THADA: variants seen among roughly 807,000 people sequenced by gnomAD.
The protein encoded by THADA is tRNA (32-2'-O)-methyltransferase regulator THADA.
In THADA, 213 loss-of-function variants were observed where a neutral mutation model predicts 219.8. That is an observed-to-expected ratio of 0.97 (90% CI 0.87 to 1.09). The LOEUF is 1.09. THADA is among the 50% of genes least tolerant of loss of function. The pLI, the probability that THADA is intolerant of heterozygous loss-of-function variation, is 0.00. For synonymous variants in THADA, 1,018 were observed against 828.9 expected (o/e 1.23, Z -3.92); for missense variants, 2,956 against 2,311.3 (o/e 1.28, Z -5.72).
intron 16 of THADA, among the ~76,000 whole-genome samples, chr2:43,558,414 A>C (rs1411189532): frequency 7.2e-5 from 11 of 152,204 alleles, no homozygotes; most frequent in Middle Eastern, 3.2e-3. Flanking sequence ...TGAAGGATGC[A>C]AAGTATTGTT....
rs372744844 is a variant in THADA at position 43,286,968 on chromosome 2, C to T, written c.5104G>A (p.Val1702Ile). 4.6e-5 allele frequency: 75 copies of T among 1,613,824 alleles called. No homozygotes were observed. The African/African-American group carries it at 5.5e-4, about 12-fold the overall frequency. Reference protein sequence around the residue: ...DHLPTESRLAVVEVLTSTTPL... With the variant: ...DHLPTESRLAIVEVLTSTTPL... ...GTAGTACTGGTGAGGACTTCAACGA[C>T]GGCCAGCCTAGACTCTGTAGGAAGA... is the stretch of plus-strand genomic sequence containing the variant. The change falls in exon 35 of 38, where the codon GTC becomes ATC. Residue 1702 changes from valine to isoleucine, a missense_variant. Coordinates refer to ENST00000405975, the MANE Select transcript of THADA (RefSeq NM_022065.5).
chr2:43,287,644 T>C (rs1304562405), intron 34 of THADA, among the ~76,000 whole-genome samples: 3 of 152,210 alleles, frequency 2.0e-5, no homozygotes, highest in Non-Finnish European at 4.4e-5. Context: ...AACACTGGCA[T>C]ACATTTGGTC....
intron 36 of THADA, among the ~76,000 whole-genome samples, chr2:43,263,241 T>C (rs1360211114): frequency 6.6e-6 from 1 of 152,174 alleles, no homozygotes; most frequent in Non-Finnish European, 1.5e-5. Flanking sequence ...AATTTTGTTC[T>C]GGGAGGTGAT....
chr2:43,381,052 C>T (rs757259840), intron 29 of THADA, among the ~76,000 whole-genome samples: 1 of 135,760 alleles, frequency 7.4e-6, no homozygotes, highest in Non-Finnish European at 1.5e-5. Flanking sequence ...GAGCCAAGAT[C>T]GTGCCACTAC....
chr2:43,311,398 C>T (rs1281887820), intron 31 of THADA, among the ~76,000 whole-genome samples: 2 of 152,158 alleles, frequency 1.3e-5, no homozygotes, highest in Non-Finnish European at 2.9e-5. Context: ...AAACTGGAAA[C>T]TTCATACACT....
intron 36 of THADA, among the ~76,000 whole-genome samples, chr2:43,278,710 C>T (rs886150603): frequency 2.6e-5 from 4 of 152,152 alleles, no homozygotes; most frequent in African/African-American, 9.7e-5. Flanking sequence ...TGTACACAGA[C>T]CATTTTGACT....
At chr2:43,319,753 G>A (rs1344252593) in intron 31 of THADA, among the ~76,000 whole-genome samples, 1 of 152,196 alleles carries the variant, frequency 6.6e-6, no homozygotes, top group African/African-American at 2.4e-5. Context: ...ACCAGTTGCA[G>A]ACTCATTACC....
At chr2:43,349,324 A>G (rs1373830387) in intron 29 of THADA, among the ~76,000 whole-genome samples, 5 of 152,206 alleles carry the variant, frequency 3.3e-5, no homozygotes, top group Admixed American at 3.3e-4. Flanking sequence ...CTCTAAACAC[A>G]GAGAGACTCA....
At chr2:43,339,013 G>A (rs1428409413) in intron 30 of THADA, among the ~76,000 whole-genome samples, 4 of 151,972 alleles carry the variant, frequency 2.6e-5, no homozygotes, top group Non-Finnish European at 4.4e-5. Flanking sequence ...AAGGAAGGAA[G>A]CTATAACTTA....
chr2:43,342,455 G>A (rs914238478), intron 30 of THADA, among the ~76,000 whole-genome samples: 1 of 152,176 alleles, frequency 6.6e-6, no homozygotes, highest in Non-Finnish European at 1.5e-5. Flanking sequence ...CCCATTCTCT[G>A]CCACTTGTGC....
chr2:43,401,480 G>A (rs185841609), intron 28 of THADA, among the ~76,000 whole-genome samples: 30 of 152,088 alleles, frequency 2.0e-4, no homozygotes, highest in African/African-American at 6.7e-4. Flanking sequence ...GCCTTTCACC[G>A]TGTTAGCCAG....
chr2:43,380,516 C>T (rs1443926532), intron 29 of THADA, among the ~76,000 whole-genome samples: 3 of 152,142 alleles, frequency 2.0e-5, no homozygotes, highest in African/African-American at 4.8e-5. Context: ...GAGTCAAAGA[C>T]GTCAGTATGA....
chr2:43,574,030 T>G (rs1179333398), intron 11 of THADA, among the ~76,000 whole-genome samples: 1 of 138,266 alleles, frequency 7.2e-6, no homozygotes, highest in East Asian at 2.0e-4. Context: ...ACACACAAAC[T>G]TTTATTTCAG....
intron 22 of THADA, among the ~76,000 whole-genome samples, chr2:43,520,809 T>G (rs909841973): frequency 6.6e-6 from 1 of 151,762 alleles, no homozygotes; most frequent in Non-Finnish European, 1.5e-5. Context: ...TAAAAATGTA[T>G]CCAGCTTCCC....
At chr2:43,386,792 G>A (rs1327486416) in intron 29 of THADA, among the ~76,000 whole-genome samples, 1 of 151,620 alleles carries the variant, frequency 6.6e-6, no homozygotes, top group Non-Finnish European at 1.5e-5. Context: ...AGCTACTCGG[G>A]AGGCTGAGGC....
intron 36 of THADA, among the ~76,000 whole-genome samples, chr2:43,264,982 T>C (rs114254584): frequency 1.2e-3 from 181 of 152,402 alleles, no homozygotes; most frequent in African/African-American, 4.2e-3. Context: ...GGACCAGCAC[T>C]GCATATTGGA....
At chr2:43,445,242 C>T (rs965348473) in intron 26 of THADA, among the ~76,000 whole-genome samples, 2 of 152,102 alleles carry the variant, frequency 1.3e-5, no homozygotes, top group Non-Finnish European at 2.9e-5. Context: ...CATGCACATG[C>T]GTTTCAAAGG....
At chr2:43,510,377 T>A (rs1291829994) in intron 22 of THADA, among the ~76,000 whole-genome samples, 1 of 152,188 alleles carries the variant, frequency 6.6e-6, no homozygotes, top group Non-Finnish European at 1.5e-5. Flanking sequence ...TATACACAAA[T>A]ACACACGTTT....
At chr2:43,248,162 TATAGAGAGAGAG>T (rs1558464346) in intron 36 of THADA, among the ~76,000 whole-genome samples, 165 of 44,330 alleles carry the variant, frequency 3.7e-3, no homozygotes, top group Non-Finnish European at 5.0e-3. Flanking sequence ...TATATATATA[TATAGAGAGAGAG>T]AGAGAGAGAG....
Sources: gnomAD v4.1 joint callset for allele counts (sites outside exome capture counted in the v4.1 genomes callset) on GRCh38, gnomAD v4.1.1 for gene constraint, MANE v1.5 for transcripts, NCBI Gene and HGNC (gene_info 2026-07-23, HGNC 2026-07-21) for gene names.